Variants in KIRREL3 observed in about 807,000 individuals in gnomAD.
KIRREL3 encodes the protein kirre like nephrin family adhesion molecule 3.
Under a neutral mutation model 89.7 loss-of-function variants are expected in KIRREL3, and 36 were observed. The ratio of observed to expected loss-of-function variants is 0.40; its 90% CI spans 0.31 to 0.53. The LOEUF (loss-of-function observed/expected upper bound fraction) is 0.53. Ranked by LOEUF, KIRREL3 falls within the 20% of genes least tolerant of loss-of-function variation. The pLI is 0.49. For missense variants in KIRREL3, 864 were observed against 1,056.6 expected (o/e 0.82, Z 2.53); for synonymous variants, 445 against 441.4 (o/e 1.01, Z -0.10).
At chr11:126,446,910 C>T (rs1185909381) in intron 8 of KIRREL3, 24 bp from the exon 9 acceptor site, 2 of 1,600,598 alleles carry the variant, frequency 1.2e-6, no homozygotes, top group Non-Finnish European at 1.7e-6. Context: ...AAGAAGAAGA[C>T]AGGTTCAGGT....
intron 1 of KIRREL3, among the ~76,000 whole-genome samples, chr11:126,923,074 T>C (rs1436888907): frequency 6.6e-6 from 1 of 152,026 alleles, no homozygotes; most frequent in African/African-American, 2.4e-5. Flanking sequence ...TCTGCTCAGC[T>C]TGCCTTGTGG....
chr11:126,500,948 G>A (rs7941193), intron 4 of KIRREL3, among the ~76,000 whole-genome samples: 40,904 of 152,048 alleles, frequency 0.27, 7,355 homozygotes, highest in African/African-American at 0.51. Context: ...CTGCTGGTCT[G>A]TTGCATTTGT....
intron 1 of KIRREL3, among the ~76,000 whole-genome samples, chr11:126,644,557 G>A (rs180709235): frequency 6.6e-6 from 1 of 152,306 alleles, no homozygotes; most frequent in African/African-American, 2.4e-5. Context: ...GATGAAGCTG[G>A]TGAAGACATG....
chr11:126,435,000 G>C (rs929532921), intron 13 of KIRREL3, among the ~76,000 whole-genome samples: 61 of 152,116 alleles, frequency 4.0e-4, no homozygotes, highest in African/African-American at 1.4e-3. Context: ...GGAATGGAGC[G>C]GGGACGAGCA....
Position 126,872,312 on chromosome 11 carries a change from C to T in KIRREL3, c.55+128143G>A, listed in dbSNP as rs1945133859. Among the ~76,000 whole-genome samples, 2 of 152,302 alleles carry T rather than the reference C, an allele frequency of 1.3e-5. No individual in the cohort carries two copies. Among genetic ancestry groups the T allele is most frequent in the East Asian group, 1.9e-4 (1 of 5,188 alleles). ...CCTTTTCTAGAAAGATCTAAGTAAC[C>T]ACCTCTTAATTTGCATGTAAATAAA... On this transcript the variant is annotated intron_variant, in intron 1 of 16. Coordinates refer to ENST00000525144, the MANE Select transcript of KIRREL3 (RefSeq NM_032531.4). The surrounding 1 kb of genome is among the most constrained non-coding windows in gnomAD (Gnocchi z 4.2).
chr11:126,753,063 C>T (rs1325277445), intron 1 of KIRREL3, among the ~76,000 whole-genome samples: 1 of 152,198 alleles, frequency 6.6e-6, no homozygotes, highest in African/African-American at 2.4e-5. Flanking sequence ...ATTCTACCTT[C>T]CTCAAGTCAC....
chr11:126,707,113 T>A (rs1206425622), intron 1 of KIRREL3, among the ~76,000 whole-genome samples: 1 of 151,986 alleles, frequency 6.6e-6, no homozygotes, highest in South Asian at 2.1e-4. Flanking sequence ...GCCACCACAT[T>A]GGCTAATTTT....
Position 126,719,489 on chromosome 11 carries a change from G to A in KIRREL3, c.56-156577C>T, listed in dbSNP as rs1197033965. ...CCTAGGTGATCTTACTTAGTCCCATGGCTTTCATTCCACCCGCATGCTGAA... is the reference window on the plus strand; with the variant it reads ...CCTAGGTGATCTTACTTAGTCCCATAGCTTTCATTCCACCCGCATGCTGAA... On this transcript the variant is annotated intron_variant, in intron 1 of 16. Transcript: ENST00000525144. This position sits in a 1 kb window ranked among gnomAD's most constrained non-coding sequence, Gnocchi z 4.7. Among the ~76,000 whole-genome samples, 1 of 152,116 alleles carries A rather than the reference G, an allele frequency of 6.6e-6. No individual in the cohort carries two copies. Among genetic ancestry groups the A allele is most frequent in the Non-Finnish European group, 1.5e-5 (1 of 68,018 alleles).
intron 6 of KIRREL3, among the ~76,000 whole-genome samples, chr11:126,461,541 A>C (rs1446844080): frequency 6.6e-6 from 1 of 152,124 alleles, no homozygotes; most frequent in Non-Finnish European, 1.5e-5. Flanking sequence ...GATGTTTGTT[A>C]ATAGCTGGTG....
At chr11:126,913,927 C>G (rs974548134) in intron 1 of KIRREL3, among the ~76,000 whole-genome samples, 1 of 152,212 alleles carries the variant, frequency 6.6e-6, no homozygotes, top group Non-Finnish European at 1.5e-5. Context: ...TCTGTCCATA[C>G]TCATGAACAA....
In KIRREL3 at chr11:126,454,246, G is replaced by T. The variant is rs572463776; in HGVS notation, c.848+2103C>A. The stretch of plus-strand genomic sequence containing the variant: ...AGGCCCAGCACTTCGTTTCCTGGGT[G>T]TTTGCTGTCCGGGTCAGTAGGCAGG... On this transcript the variant is annotated intron_variant, in intron 7 of 16. Transcript: ENST00000525144. The surrounding 1 kb of genome is among the most constrained non-coding windows in gnomAD (Gnocchi z 5.8). Among the ~76,000 whole-genome samples, 59 of 151,912 alleles carry T rather than the reference G, an allele frequency of 3.9e-4. No individual in the cohort carries two copies. Among genetic ancestry groups the T allele is most frequent in the African/African-American group, 1.4e-3 (58 of 41,462 alleles).
At chr11:126,793,758 C>T (rs761402785) in intron 1 of KIRREL3, among the ~76,000 whole-genome samples, 6 of 152,256 alleles carry the variant, frequency 3.9e-5, no homozygotes, top group East Asian at 1.9e-4. Context: ...TGGAGTGGAC[C>T]GGAAGCGTGC....
chr11:126,995,322 G>A lies in KIRREL3; in HGVS notation c.55+5133C>T. On this transcript the variant is annotated intron_variant, in intron 1 of 16. Transcript: ENST00000525144. The surrounding 1 kb of genome is among the most constrained non-coding windows in gnomAD (Gnocchi z 6.5). ...GATCACTGTGGTGGGGGGAGTTGAAGTGTGCATTCCAGCATGCTCATGATC... is the reference window on the plus strand; with the variant it reads ...GATCACTGTGGTGGGGGGAGTTGAAATGTGCATTCCAGCATGCTCATGATC... The A allele has an allele frequency of 2.2e-6, 1 of 456,232 alleles. No homozygotes were observed. The highest frequency in any genetic ancestry group is 4.4e-6 in the Non-Finnish European group (1 of 226,958). The allele number at this position is 456,232 out of a possible 1,614,324, so 28.3% of individuals were successfully genotyped here.
intron 1 of KIRREL3, among the ~76,000 whole-genome samples, chr11:126,942,766 C>T (rs1445975872): frequency 6.6e-6 from 1 of 152,180 alleles, no homozygotes; most frequent in African/African-American, 2.4e-5. Context: ...AGATGCGCTC[C>T]CTTGAGGCGC....
chr11:126,759,743 A>G (rs969755900), intron 1 of KIRREL3, among the ~76,000 whole-genome samples: 6 of 152,200 alleles, frequency 3.9e-5, no homozygotes, highest in African/African-American at 1.4e-4. Context: ...AACATCTTGC[A>G]CCCATTTCTA....
intron 4 of KIRREL3, among the ~76,000 whole-genome samples, chr11:126,480,334 T>C (rs1449765350): frequency 2.6e-5 from 4 of 152,238 alleles, no homozygotes; most frequent in African/African-American, 9.6e-5. Context: ...TAGGTTATTA[T>C]GTCTAATTTT....
In KIRREL3 at chr11:126,454,414, G is replaced by C. The variant is rs549118005; in HGVS notation, c.848+1935C>G. Reference sequence around the variant, plus strand: ...GAGAAACGAAAGTCGAAAGTTGTGTGTCCTGGTCTCTGGGGCGCCCAACAG... The same window carrying C: ...GAGAAACGAAAGTCGAAAGTTGTGTCTCCTGGTCTCTGGGGCGCCCAACAG... On this transcript the variant is annotated intron_variant, in intron 7 of 16. Coordinates refer to ENST00000525144, the MANE Select transcript of KIRREL3 (RefSeq NM_032531.4). The surrounding 1 kb of genome is among the most constrained non-coding windows in gnomAD (Gnocchi z 5.8). Among the ~76,000 whole-genome samples, 2 of 152,276 alleles carry C rather than the reference G, an allele frequency of 1.3e-5. No homozygotes were observed. The highest frequency in any genetic ancestry group is 3.9e-4 in the East Asian group (2 of 5,176).
intron 1 of KIRREL3, chr11:126,944,803 C>A (rs1170135411): frequency 6.6e-6 from 1 of 152,376 alleles, no homozygotes; most frequent in East Asian, 1.9e-4. Context: ...GCTCCTGGGG[C>A]CGCTAATTCA....
At chr11:126,949,624 C>T (rs577456095) in intron 1 of KIRREL3, among the ~76,000 whole-genome samples, 1 of 152,200 alleles carries the variant, frequency 6.6e-6, no homozygotes, top group Non-Finnish European at 1.5e-5. Context: ...GCCTGAGCAG[C>T]ATGCTGTTGT....
Sources: allele counts gnomAD v4.1 joint callset (sites outside exome capture counted in the v4.1 genomes callset), GRCh38; gene constraint gnomAD v4.1.1; non-coding constraint Gnocchi (gnomAD v3.1); transcripts MANE v1.5; gene names NCBI Gene and HGNC (gene_info 2026-07-23, HGNC 2026-07-21).